Variants in MAX observed in about 807,000 individuals in gnomAD.
The protein encoded by MAX is protein max.
MAX carries 3 observed loss-of-function variants against 22.3 expected under a neutral mutation model. The ratio of observed to expected loss-of-function variants is 0.13; its 90% confidence interval spans 0.06 to 0.35. The LOEUF is 0.35. MAX is among the 10% of genes least tolerant of loss of function. The pLI, the probability that MAX is intolerant of heterozygous loss-of-function variation, is 1.00. For synonymous variants in MAX, 72 were observed against 77.7 expected (o/e 0.93, Z 0.39); for missense variants, 119 against 209.4 (o/e 0.57, Z 2.66).
intron 3 of MAX, among the ~76,000 whole-genome samples, chr14:65,013,275 T>A (rs954749287): frequency 6.6e-6 from 1 of 151,936 alleles, no homozygotes; most frequent in Non-Finnish European, 1.5e-5. Flanking sequence ...TCCTGCCCAT[T>A]ACTGCCATCT....
At chr14:65,021,962 C>G (rs574101420) in intron 3 of MAX, 2 of 455,852 alleles carry the variant, frequency 4.4e-6, no homozygotes, top group South Asian at 1.5e-5. Context: ...AGCCAACTTT[C>G]GACCTGACCA....
chr14:65,046,064 C>T (rs1048421010), intron 3 of MAX, among the ~76,000 whole-genome samples: 6 of 152,112 alleles, frequency 3.9e-5, no homozygotes, highest in African/African-American at 1.4e-4. Context: ...GCAACCTCTG[C>T]CCCCTGGGTT....
Position 65,032,885 on chromosome 14 carries a change from A to G in MAX, c.172-26601T>C, listed in dbSNP as rs994113457. 1.3e-5 allele frequency among the ~76,000 whole-genome samples: 2 copies of G among 151,530 alleles called. No individual in the cohort carries two copies. The highest frequency in any genetic ancestry group is 4.8e-5 in the African/African-American group (2 of 41,302). ...TTTTTTCCAAACTTTCTTTAATGTT[A>G]TATTATATTTTAGATTGGCAAAGAT... On this transcript the variant is annotated intron_variant, in intron 3 of 3. Transcript: ENST00000341653. This position sits in a 1 kb window ranked among gnomAD's most constrained non-coding sequence, Gnocchi z 5.0.
chr14:65,096,538 C>A (rs974107764), intron 2 of MAX, among the ~76,000 whole-genome samples: 5 of 152,098 alleles, frequency 3.3e-5, no homozygotes, highest in Non-Finnish European at 7.4e-5. Context: ...CGCGCCTCAT[C>A]CCCACCCCCA....
At position 65,044,769 on chromosome 14, in the gene MAX, T is replaced by C. The variant is rs1275718999; in HGVS notation, c.172-38485A>G. The C allele has an allele frequency of 3.4e-6, 1 of 297,518 alleles. No individual in the cohort carries two copies. The highest frequency in any genetic ancestry group is 6.2e-6 in the Non-Finnish European group (1 of 160,312). 18.4% of individuals were successfully genotyped at this position (297,518 alleles called of 1,614,324 possible). A position where few individuals can be genotyped will look rare whatever the true frequency, so the allele number is the denominator to read the frequency against. On this transcript the variant is annotated intron_variant, in intron 3 of 3. Transcript: ENST00000341653. This position sits in a 1 kb window ranked among gnomAD's most constrained non-coding sequence, Gnocchi z 5.5. The stretch of plus-strand genomic sequence containing the variant: ...CCCACTCCTGTCCTGGGCTCTGTGG[T>C]GATTGCCACCTCCTCTGGGTGCAGG...
chr14:65,057,936 G>A (rs540448534), intron 3 of MAX, among the ~76,000 whole-genome samples: 3 of 152,270 alleles, frequency 2.0e-5, no homozygotes, highest in South Asian at 2.1e-4. Context: ...ACTCTTTTAA[G>A]CAAGTCTGAA....
chr14:65,017,483 C>T (rs905732377), intron 3 of MAX, among the ~76,000 whole-genome samples: 4 of 152,046 alleles, frequency 2.6e-5, no homozygotes, highest in Non-Finnish European at 5.9e-5. Context: ...GAGCCAAAAT[C>T]GACTGAGTTT....
At chr14:65,036,515 G>A (rs1450873856) in intron 3 of MAX, among the ~76,000 whole-genome samples, 2 of 151,926 alleles carry the variant, frequency 1.3e-5, no homozygotes, top group Non-Finnish European at 2.9e-5. Context: ...GGGATTATAG[G>A]CGTGAGCCAC....
chr14:65,072,453 T>C (rs531257754), downstream of MAX, among the ~76,000 whole-genome samples: 5 of 152,218 alleles, frequency 3.3e-5, no homozygotes, highest in Non-Finnish European at 5.9e-5. Flanking sequence ...ACCTTCATCC[T>C]GACCTCAGAA....
intron 3 of MAX, among the ~76,000 whole-genome samples, chr14:65,058,286 A>G (rs1400175474): frequency 6.7e-6 from 1 of 149,826 alleles, no homozygotes; most frequent in African/African-American, 2.5e-5. Flanking sequence ...AGTTATGTCT[A>G]ATTTACAGTT....
chr14:65,086,738 T>G (rs919217100), intron 3 of MAX, among the ~76,000 whole-genome samples: 1 of 152,138 alleles, frequency 6.6e-6, no homozygotes, highest in Non-Finnish European at 1.5e-5. Flanking sequence ...CCTGACAATG[T>G]GATAGAAAAG....
intron 3 of MAX, among the ~76,000 whole-genome samples, chr14:65,037,402 C>A (rs1389979041): frequency 2.8e-4 from 4 of 14,534 alleles, no homozygotes; most frequent in Non-Finnish European, 5.6e-4. Context: ...CACGCCGGGC[C>A]CTTTTTTTTT....
intron 2 of MAX, among the ~76,000 whole-genome samples, chr14:65,100,498 T>C (rs1006297308): frequency 2.6e-5 from 4 of 152,160 alleles, no homozygotes; most frequent in Admixed American, 6.5e-5. Flanking sequence ...CTGGCAATAC[T>C]GACCCTTCAC....
rs2062010706 is a variant in MAX at position 65,027,798 on chromosome 14, A to C, written c.172-21514T>G. Reference sequence around the variant, plus strand: ...GGATGTGAGGTGAGTGGGGTTTTGCACAGGCTGCCACATCAGTTGACTCTA... The same window carrying C: ...GGATGTGAGGTGAGTGGGGTTTTGCCCAGGCTGCCACATCAGTTGACTCTA... On this transcript the variant is annotated intron_variant, in intron 3 of 3. Transcript: ENST00000341653. This position sits in a 1 kb window ranked among gnomAD's most constrained non-coding sequence, Gnocchi z 5.7. 6.2e-7 allele frequency: 1 copy of C among 1,613,914 alleles called. No homozygotes were observed. The highest frequency in any genetic ancestry group is 8.5e-7 in the Non-Finnish European group (1 of 1,179,972).
At chr14:65,037,305 T>C (rs1175590083) in intron 3 of MAX, among the ~76,000 whole-genome samples, 2 of 150,302 alleles carry the variant, frequency 1.3e-5, no homozygotes, top group African/African-American at 4.9e-5. Context: ...GGTTTTACCA[T>C]GTTGGCCAGG....
chr14:65,033,191 T>G (rs12435835), intron 3 of MAX, among the ~76,000 whole-genome samples: 86,407 of 152,048 alleles, frequency 0.57, 25,234 homozygotes, highest in African/African-American at 0.7. Flanking sequence ...GAGTTACATG[T>G]ATCAATATGG....
rs753385660 is a variant in MAX at position 65,084,288 on chromosome 14, GAGGAAATAGAGCTAGTAAAT to G, written c.172-6272_172-6253del. ...GGACAGGAGTACACAATTTCCAAAAGAGGAAATAGAGCTAGTAAATAAACATGTGGAAAAGCAATTAATTT... is the reference window on the plus strand; with the variant it reads ...GGACAGGAGTACACAATTTCCAAAAGAAACATGTGGAAAAGCAATTAATTT... On this transcript the variant is annotated intron_variant, in intron 3 of 4. Transcript: ENST00000358664. This position sits in a 1 kb window ranked among gnomAD's most constrained non-coding sequence, Gnocchi z 4.3. The G allele has an allele frequency of 7.1e-6, 11 of 1,545,452 alleles. No individual in the cohort carries two copies. Among genetic ancestry groups the G allele is most frequent in the Non-Finnish European group, 8.9e-6 (10 of 1,117,636 alleles).
At chr14:65,034,174 T>C (rs938195155) in intron 3 of MAX, among the ~76,000 whole-genome samples, 4 of 152,300 alleles carry the variant, frequency 2.6e-5, no homozygotes, top group African/African-American at 7.2e-5. Flanking sequence ...CACACGTGCG[T>C]TTTGAGTTGC....
At chr14:65,086,450 T>C (rs980366042) in intron 3 of MAX, among the ~76,000 whole-genome samples, 2 of 152,190 alleles carry the variant, frequency 1.3e-5, no homozygotes, top group East Asian at 3.8e-4. Flanking sequence ...GATAATGATA[T>C]GGACAATAAA....
Sources: gnomAD v4.1 joint callset for allele counts (sites outside exome capture counted in the v4.1 genomes callset) on GRCh38, gnomAD v4.1.1 for gene constraint, Gnocchi (gnomAD v3.1) non-coding constraint, MANE v1.5 for transcripts, NCBI Gene and HGNC (gene_info 2026-07-23, HGNC 2026-07-21) for gene names.